ZNF141: variants seen among roughly 807,000 people sequenced by gnomAD.
ZNF141 encodes the protein zinc finger protein 141.
Under a neutral mutation model 11.3 loss-of-function variants are expected in ZNF141, and 7 were observed. The observed-to-expected ratio is 0.62, with a 90% CI of 0.35 to 1.16. The LOEUF (loss-of-function observed/expected upper bound fraction) is 1.16. Among genes scored for constraint, ZNF141 ranks in the 50% most tolerant of loss-of-function variants. The pLI, the probability that ZNF141 is intolerant of heterozygous loss-of-function variation, is 0.02. For missense variants in ZNF141, 535 were observed against 554.0 expected, an observed-to-expected ratio of 0.97 and a Z score of 0.34; for synonymous variants, 183 against 190.7, an observed-to-expected ratio of 0.96 and a Z score of 0.33.
chr4:383,183 G>T lies in ZNF141; in HGVS notation c.*9321G>T, dbSNP rs782485790. On this transcript the variant is annotated 3_prime_UTR_variant, in exon 4 of 4. Transcript: ENST00000240499. ...GCCAAAGTGCCTCAGTTTACAGACA[G>T]CTCACTCACAGAAGCAGAGCCACCT... 14 of 700,408 alleles carry T rather than the reference G, an allele frequency of 2.0e-5. No homozygotes were observed. The highest frequency in any genetic ancestry group is 3.6e-5 in the Non-Finnish European group (14 of 384,202). 43.4% of individuals were successfully genotyped at this position (700,408 alleles called of 1,614,324 possible).
intron 3 of ZNF141, among the ~76,000 whole-genome samples, chr4:347,374 C>G (rs1553849788): frequency 1.6e-5 from 2 of 128,606 alleles, no homozygotes; most frequent in East Asian, 2.3e-4. Flanking sequence ...GAGTCTCTCT[C>G]TGTCGCCCAG....
In ZNF141 at chr4:372,863, C is replaced by A. The variant is rs781978588; in HGVS notation, c.426C>A (p.Ser142Arg). 11 of 1,612,554 alleles carry A rather than the reference C, an allele frequency of 6.8e-6. No homozygotes were observed. In the African/African-American group the frequency reaches 1.5e-4, roughly 22 times the overall value. The change falls in exon 4 of 4, where the codon AGC becomes AGA. Residue 142 changes from serine to arginine, a missense_variant. Transcript: ENST00000240499. Reference sequence around the variant, plus strand: ...ATGAATGCTTGTCAACTACCCAGAGCAAAATACTTCAGTGTAAAGCAAGTG... The same window carrying A: ...ATGAATGCTTGTCAACTACCCAGAGAAAAATACTTCAGTGTAAAGCAAGTG... ...EFNECLSTTQ[S>R]KILQCKASVK... is the part of the protein sequence containing the mutation.
chr4:362,434 T>G (rs915487772), intron 3 of ZNF141, among the ~76,000 whole-genome samples: 20 of 152,254 alleles, frequency 1.3e-4, no homozygotes, highest in Non-Finnish European at 2.4e-4. Flanking sequence ...TTTGGTGTTT[T>G]AGTCATGAAG....
At chr4:371,007 C>G (rs1712030744) in intron 3 of ZNF141, among the ~76,000 whole-genome samples, 2 of 151,962 alleles carry the variant, frequency 1.3e-5, no homozygotes, top group African/African-American at 4.8e-5. Context: ...GCTGGGATTA[C>G]AGGCATGAGC....
chr4:338,206 C>T (rs1337693916), intron 1 of ZNF141: 4 of 525,024 alleles, frequency 7.6e-6, no homozygotes, highest in African/African-American at 4.0e-5. Context: ...CCCGCAGCCC[C>T]GCACCTTCCC....
At position 377,558 on chromosome 4, in the gene ZNF141, T is replaced by G. The variant is rs782014912; in HGVS notation, c.*3696T>G. On this transcript the variant is annotated 3_prime_UTR_variant, in exon 4 of 4. Transcript: ENST00000240499. ...CGTTATGGCTAGTTTGTCACTGTTC[T>G]CTTCATTCCACGTAATTTCACGTGG... Among the ~76,000 whole-genome samples the G allele has an allele frequency of 6.6e-5, 10 of 152,226 alleles. No individual in the cohort carries two copies. Among genetic ancestry groups the G allele is most frequent in the Non-Finnish European group, 1.0e-4 (7 of 68,048 alleles).
At chr4:360,880 G>A (rs926429601) in intron 3 of ZNF141, among the ~76,000 whole-genome samples, 8 of 151,434 alleles carry the variant, frequency 5.3e-5, no homozygotes, top group African/African-American at 1.5e-4. Context: ...TATAAATATT[G>A]ACCTACTTTG....
rs1447280730 is a variant in ZNF141, at chr4:378,280, A to G, written c.*4418A>G. On this transcript the variant is annotated 3_prime_UTR_variant, in exon 4 of 4. Transcript: ENST00000240499. ...TCCATACAAAATCTTCTATTTATTT[A>G]TTTATTTTAGATGGAGCCCCACTCT... is the stretch of plus-strand genomic sequence containing the variant. The G allele has an allele frequency of 6.6e-6, 1 of 151,828 alleles. No individual in the cohort carries two copies. The highest frequency in any genetic ancestry group is 1.5e-5 in the Non-Finnish European group (1 of 67,966). The allele number at this position is 151,828 out of a possible 1,614,324, so 9.4% of individuals were successfully genotyped here.
chr4:348,020 A>T (rs1376646629), intron 3 of ZNF141, among the ~76,000 whole-genome samples: 1 of 151,084 alleles, frequency 6.6e-6, no homozygotes, highest in Non-Finnish European at 1.5e-5. Context: ...AATTTTTTGT[A>T]TTTTTAGTAG....
rs73219218 is a variant in ZNF141 at position 377,157 on chromosome 4, G to A, written c.*3295G>A. On this transcript the variant is annotated 3_prime_UTR_variant, in exon 4 of 4. Transcript: ENST00000240499. ...TTAGTTATTGTTCCTTTCAGTTTTT[G>A]TAATTGACATAAATGAGTTTATTTT... Among the ~76,000 whole-genome samples, 28,146 of 151,998 alleles carry A rather than the reference G, an allele frequency of 0.19. 3,471 individuals are homozygous for A. The highest frequency in any genetic ancestry group is 0.35 in the African/African-American group (14,641 of 41,444).
chr4:359,969 T>A (rs1269639914), intron 3 of ZNF141, among the ~76,000 whole-genome samples: 1 of 152,112 alleles, frequency 6.6e-6, no homozygotes, highest in Non-Finnish European at 1.5e-5. Flanking sequence ...ACATTATGAA[T>A]CCTCCTAAGT....
intron 1 of ZNF141, among the ~76,000 whole-genome samples, chr4:340,764 T>C (rs1721008265): frequency 6.6e-6 from 1 of 152,248 alleles, no homozygotes; most frequent in Admixed American, 6.5e-5. Flanking sequence ...CACAAGTGGA[T>C]ATAAATTAAC....
intron 1 of ZNF141, 182 bp downstream of exon 1, chr4:338,168 C>A (rs1335243924): frequency 3.0e-6 from 2 of 669,326 alleles, no homozygotes; most frequent in African/African-American, 1.9e-5. Flanking sequence ...TCTGGCCCAG[C>A]CTGCAGCCCT....
At chr4:338,381 A>G (rs1720891329) in intron 1 of ZNF141, 1 of 200,298 alleles carries the variant, frequency 5.0e-6, no homozygotes, top group African/African-American at 2.4e-5. Context: ...TCATGTGAGC[A>G]AATGGGGACT....
intron 3 of ZNF141, among the ~76,000 whole-genome samples, chr4:346,600 A>G (rs1253112003): frequency 6.6e-6 from 1 of 152,180 alleles, no homozygotes; most frequent in Non-Finnish European, 1.5e-5. Flanking sequence ...ATAACTAAAA[A>G]TTTGTGCTCT....
intron 3 of ZNF141, among the ~76,000 whole-genome samples, chr4:371,214 A>G (rs1351632442): frequency 1.3e-5 from 2 of 148,624 alleles, no homozygotes; most frequent in African/African-American, 4.9e-5. Flanking sequence ...GTACATCTTC[A>G]TTTTTAATTT....
At chr4:360,256 T>C (rs1553851957) in intron 3 of ZNF141, among the ~76,000 whole-genome samples, 1 of 152,204 alleles carries the variant, frequency 6.6e-6, no homozygotes, top group East Asian at 1.9e-4. Context: ...TGCTATGCCA[T>C]ATGTTCCGAT....
chr4:361,334 T>A (rs1722100071), intron 3 of ZNF141, among the ~76,000 whole-genome samples: 1 of 152,082 alleles, frequency 6.6e-6, no homozygotes, highest in Non-Finnish European at 1.5e-5. Flanking sequence ...CTATTTTTTT[T>A]AACGGAATGA....
intron 3 of ZNF141, among the ~76,000 whole-genome samples, chr4:356,769 A>G (rs1321429544): frequency 1.3e-5 from 2 of 152,062 alleles, no homozygotes; most frequent in African/African-American, 4.8e-5. Context: ...CATTTTATTC[A>G]TTGTTTACTG....
Sources: allele counts gnomAD v4.1 joint callset (sites outside exome capture counted in the v4.1 genomes callset), GRCh38; gene constraint gnomAD v4.1.1; transcripts MANE v1.5; gene names NCBI Gene and HGNC (gene_info 2026-07-23, HGNC 2026-07-21).